ADK: variants seen among roughly 807,000 people sequenced by gnomAD.
ADK encodes the protein adenosine kinase, also known as N6,N6-dimethyladenosine kinase.
In ADK, 24 loss-of-function variants were observed where a neutral mutation model predicts 44.7. The observed-to-expected ratio is 0.54, with a 90% CI of 0.39 to 0.76. The LOEUF (loss-of-function observed/expected upper bound fraction) is 0.76. ADK is among the 30% of genes least tolerant of loss of function. The pLI, the probability that ADK is intolerant of heterozygous loss-of-function variation, is 0.00. For synonymous variants in ADK, 128 were observed against 142.6 expected (o/e 0.90, Z 0.73); for missense variants, 321 against 425.1 (o/e 0.76, Z 2.15).
chr10:74,357,951 G>T (rs909873343), intron 4 of ADK, among the ~76,000 whole-genome samples: 14 of 152,218 alleles, frequency 9.2e-5, no homozygotes, highest in African/African-American at 3.4e-4. Context: ...AAATAAAAGT[G>T]TAATGACCTT....
chr10:74,397,571 CT>C lies in ADK; in HGVS notation c.447-898del, dbSNP rs1441720601. On this transcript the variant is annotated intron_variant, in intron 5 of 10. Transcript: ENST00000539909. Reference sequence around the variant, plus strand: ...TTATTTTTTAGAGATGTGGTTTTGCCTTGTTGCCTAGGCTGGAGTGCAGTGG... The same window carrying C: ...TTATTTTTTAGAGATGTGGTTTTGCCTGTTGCCTAGGCTGGAGTGCAGTGG... Among the ~76,000 whole-genome samples the C allele has an allele frequency of 3.3e-5, 5 of 151,814 alleles. No individual in the cohort carries two copies. The East Asian group carries it at 9.7e-4, about 29-fold the overall frequency.
rs1223426277 is a variant in ADK, at chr10:74,595,371, C to CTTTTTTT, written c.763-4993_763-4987dup. Among the ~76,000 whole-genome samples the CTTTTTTT allele has an allele frequency of 1.4e-4, 13 of 91,686 alleles. No homozygotes were observed. In the East Asian group the frequency reaches 2.2e-3, roughly 15 times the overall value. The allele number at this position is 91,686 out of a possible 152,430, so 60.1% of individuals were successfully genotyped here. ...AATGACTTTGAGAAATGAAAAATAC[C>CTTTTTTT]TTTTTTTTTTTTTTTTTTTTTGGGG... On this transcript the variant is annotated intron_variant, in intron 8 of 10. Transcript: ENST00000539909.
chr10:74,415,300 A>G (rs1844330731), intron 6 of ADK, among the ~76,000 whole-genome samples: 1 of 152,250 alleles, frequency 6.6e-6, no homozygotes, highest in Non-Finnish European at 1.5e-5. Context: ...TAGACCAATC[A>G]GCAGTTGCTT....
chr10:74,213,054 C>T (rs1173259493), intron 2 of ADK, among the ~76,000 whole-genome samples: 2 of 152,088 alleles, frequency 1.3e-5, no homozygotes, highest in Non-Finnish European at 2.9e-5. Flanking sequence ...TCCAGGCAGG[C>T]ATATTCAGGA....
intron 6 of ADK, among the ~76,000 whole-genome samples, chr10:74,443,969 C>T (rs1845510639): frequency 6.6e-6 from 1 of 151,908 alleles, no homozygotes; most frequent in Non-Finnish European, 1.5e-5. Flanking sequence ...TGGATAAATA[C>T]ATTATAGTAT....
At chr10:74,309,105 G>A (rs1314414937) in intron 3 of ADK, among the ~76,000 whole-genome samples, 1 of 151,986 alleles carries the variant, frequency 6.6e-6, no homozygotes, top group Non-Finnish European at 1.5e-5. Context: ...TTTCGTGTTA[G>A]ATAAGGAGAA....
chr10:74,653,018 C>T (rs768171355), intron 9 of ADK, among the ~76,000 whole-genome samples: 1 of 152,118 alleles, frequency 6.6e-6, no homozygotes, highest in African/African-American at 2.4e-5. Context: ...CTATTATTGA[C>T]GGACTGAATT....
rs571656958 is a variant in ADK, at chr10:74,299,165, A to C, written c.195-15502A>C. ...CTAATTCAGCATAATCTGAAGTAGA[A>C]TCTGTTAAGATGTGTTGCTACTGAT... On this transcript the variant is annotated intron_variant, in intron 3 of 10. Transcript: ENST00000539909. Among the ~76,000 whole-genome samples the C allele has an allele frequency of 1.1e-4, 17 of 152,224 alleles. 1 individual carries two copies. The South Asian group carries it at 3.5e-3, about 32-fold the overall frequency.
intron 3 of ADK, among the ~76,000 whole-genome samples, chr10:74,265,617 A>G (rs1196587922): frequency 2.4e-5 from 2 of 84,698 alleles, no homozygotes; most frequent in Non-Finnish European, 6.8e-5. Flanking sequence ...GTGAAAAACA[A>G]TCACTTTATC....
intron 3 of ADK, among the ~76,000 whole-genome samples, chr10:74,246,519 G>A (rs1426240217): frequency 1.3e-5 from 2 of 152,184 alleles, no homozygotes; most frequent in African/African-American, 2.4e-5. Flanking sequence ...GGGGAGACAG[G>A]ACAATAGAAA....
intron 6 of ADK, among the ~76,000 whole-genome samples, chr10:74,458,119 CTTTTTTTTTTT>C (rs1172945144): frequency 4.0e-5 from 3 of 74,478 alleles, no homozygotes; most frequent in Admixed American, 2.1e-4. Context: ...TGCATTAAAA[CTTTTTTTTTTT>C]TTTTTTTTTT....
At chr10:74,536,055 C>T (rs1354229004) in intron 7 of ADK, among the ~76,000 whole-genome samples, 1 of 151,874 alleles carries the variant, frequency 6.6e-6, no homozygotes, top group African/African-American at 2.4e-5. Flanking sequence ...CATAGAAATA[C>T]TAGATAATCT....
chr10:74,321,847 C>A (rs972391559), intron 4 of ADK, among the ~76,000 whole-genome samples: 1 of 151,934 alleles, frequency 6.6e-6, no homozygotes, highest in Non-Finnish European at 1.5e-5. Context: ...TTAAAGCTTT[C>A]CAAAATTCTA....
At chr10:74,468,940 A>G (rs1846453121) in intron 6 of ADK, among the ~76,000 whole-genome samples, 1 of 152,056 alleles carries the variant, frequency 6.6e-6, no homozygotes, top group African/African-American at 2.4e-5. Flanking sequence ...ATTATAATCT[A>G]GACAAGGGGT....
chr10:74,495,837 GGT>G (rs1222005382), intron 6 of ADK, among the ~76,000 whole-genome samples: 4 of 152,070 alleles, frequency 2.6e-5, no homozygotes, highest in African/African-American at 7.2e-5. Context: ...CTAGTTACCT[GGT>G]ACCACCATTT....
intron 9 of ADK, among the ~76,000 whole-genome samples, chr10:74,669,278 C>G (rs1855085094): frequency 6.6e-6 from 1 of 152,126 alleles, no homozygotes; most frequent in South Asian, 2.1e-4. Context: ...TTAAACGAGA[C>G]TGAAGTTTAA....
At chr10:74,492,660 T>G (rs928983332) in intron 6 of ADK, among the ~76,000 whole-genome samples, 6 of 152,248 alleles carry the variant, frequency 3.9e-5, no homozygotes, top group African/African-American at 1.4e-4. Context: ...TTCATGACTT[T>G]GATATTTTTG....
chr10:74,704,442 AAACAATTTTATACAGCTTTC>A (rs1856529904), intron 10 of ADK, among the ~76,000 whole-genome samples: 2 of 152,224 alleles, frequency 1.3e-5, no homozygotes, highest in Admixed American at 6.5e-5. Flanking sequence ...TTGTTTATTT[AAACAATTTTATACAGCTTTC>A]AAGATTCACA....
At chr10:74,191,960 C>T (rs1447623998) in intron 1 of ADK, among the ~76,000 whole-genome samples, 1 of 152,194 alleles carries the variant, frequency 6.6e-6, no homozygotes, top group Non-Finnish European at 1.5e-5. Context: ...TAACCCCTGG[C>T]AACTACTGAT....
Sources: gnomAD v4.1 joint callset for allele counts (sites outside exome capture counted in the v4.1 genomes callset) on GRCh38, gnomAD v4.1.1 for gene constraint, MANE v1.5 for transcripts, NCBI Gene and HGNC (gene_info 2026-07-23, HGNC 2026-07-21) for gene names.